The following TBC1D32 variants were observed in gnomAD, a reference collection of about 807,000 sequenced individuals.
TBC1D32 encodes TBC1 domain family member 32, also known as protein broad-minded.
Under a neutral mutation model 170.3 loss-of-function variants are expected in TBC1D32, and 151 were observed. The ratio of observed to expected loss-of-function variants is 0.89; its 90% CI spans 0.78 to 1.01. TBC1D32 has a LOEUF of 1.01. Among genes scored for constraint, TBC1D32 ranks in the 50% least tolerant of loss-of-function variants. TBC1D32 has a pLI of 0.00. For synonymous variants in TBC1D32, 498 were observed against 488.0 expected, an observed-to-expected ratio of 1.02 and a Z score of -0.27; for missense variants, 1,464 against 1,457.1, an observed-to-expected ratio of 1.00 and a Z score of -0.08.
intron 31 of TBC1D32, among the ~76,000 whole-genome samples, chr6:121,084,760 C>A (rs1172034663): frequency 1.3e-5 from 2 of 151,980 alleles, no homozygotes; most frequent in East Asian, 3.9e-4. Context: ...AAGATAAGGC[C>A]TTTTGCAGTA....
intron 19 of TBC1D32, among the ~76,000 whole-genome samples, chr6:121,240,085 G>A (rs1796760024): frequency 6.6e-6 from 1 of 152,092 alleles, no homozygotes; most frequent in African/African-American, 2.4e-5. Flanking sequence ...GTATCAACAG[G>A]ACAATACATG....
At chr6:121,314,518 T>C (rs1298099543) in intron 3 of TBC1D32, among the ~76,000 whole-genome samples, 2 of 152,138 alleles carry the variant, frequency 1.3e-5, no homozygotes, top group African/African-American at 2.4e-5. Flanking sequence ...GCTTTAAACA[T>C]GTTTGTGTCA....
At chr6:121,099,748 A>G (rs1320240548) in intron 30 of TBC1D32, among the ~76,000 whole-genome samples, 2 of 151,958 alleles carry the variant, frequency 1.3e-5, no homozygotes, top group East Asian at 3.9e-4. Flanking sequence ...AGATTAACTC[A>G]CATGGGGAGT....
At chr6:121,141,470 ACT>A (rs1782777211) in intron 24 of TBC1D32, among the ~76,000 whole-genome samples, 1 of 152,150 alleles carries the variant, frequency 6.6e-6, no homozygotes, top group African/African-American at 2.4e-5. Context: ...AAAACAAATA[ACT>A]CAATTAAAAA....
At chr6:121,268,113 T>C (rs1203699106) in intron 15 of TBC1D32, among the ~76,000 whole-genome samples, 1 of 151,656 alleles carries the variant, frequency 6.6e-6, no homozygotes, top group Non-Finnish European at 1.5e-5. Flanking sequence ...TACGTCACCA[T>C]CATAAAAGAA....
At chr6:121,309,575 T>C (rs186189708) in intron 4 of TBC1D32, among the ~76,000 whole-genome samples, 1 of 152,202 alleles carries the variant, frequency 6.6e-6, no homozygotes, top group Admixed American at 6.5e-5. Flanking sequence ...AAGATACGCA[T>C]ACCAATACAT....
intron 21 of TBC1D32, among the ~76,000 whole-genome samples, chr6:121,218,971 A>C (rs1794177237): frequency 1.3e-5 from 2 of 152,092 alleles, no homozygotes; most frequent in Non-Finnish European, 2.9e-5. Context: ...AGTCAACTAA[A>C]CCTCTTTCCT....
chr6:121,279,376 G>C (rs1376188961), intron 14 of TBC1D32, 131 bp from the exon 15 acceptor site: 16 of 1,083,528 alleles, frequency 1.5e-5, no homozygotes, highest in Non-Finnish European at 2.0e-5. Flanking sequence ...TTAATGATTT[G>C]TTTGGCTGTG....
chr6:121,308,393 T>C lies in TBC1D32; in HGVS notation c.565-292A>G, dbSNP rs369996299. Among the ~76,000 whole-genome samples the C allele has an allele frequency of 2.4e-4, 36 of 152,078 alleles. No individual in the cohort carries two copies. In the East Asian group the frequency reaches 4.2e-3, roughly 18 times the overall value. ...AATGGGAGGAAGAATGGTAGTTGAA[T>C]CAGAATCACCAATGCAACATTTTCC... On this transcript the variant is annotated intron_variant, in intron 4 of 31. Transcript: ENST00000398212.
intron 2 of TBC1D32, among the ~76,000 whole-genome samples, chr6:121,319,806 T>A (rs750406286): frequency 2.7e-4 from 41 of 152,156 alleles, no homozygotes; most frequent in Non-Finnish European, 3.2e-4. Flanking sequence ...TGTCATATCA[T>A]CAATATCAAG....
In TBC1D32 at chr6:121,090,907, T is replaced by C. The variant is rs1236303244; in HGVS notation, c.3600A>G (p.Leu1200=). 13 of 1,612,842 alleles carry C rather than the reference T, an allele frequency of 8.1e-6. No individual in the cohort carries two copies. The highest frequency in any genetic ancestry group is 1.1e-5 in the Non-Finnish European group (13 of 1,179,702). The part of the protein sequence containing the change: ...VYICIAVFKH[L]QQDILQHTQT... ...GAGTGTGCTGTAGAATGTCTTGCTG[T>C]AAATGTTTGAATACAGCTATACAGA... is the stretch of plus-strand genomic sequence containing the variant. Residue 1200 remains leucine (L), a synonymous_variant, in exon 31 of 32, where the codon TTA becomes TTG. Transcript: ENST00000398212.
In TBC1D32 at chr6:121,239,232, C is replaced by A. The variant is rs764964992; in HGVS notation, c.2246-44G>T. On this transcript the variant is annotated intron_variant, in intron 19 of 31. Coordinates refer to ENST00000398212, the MANE Select transcript of TBC1D32 (RefSeq NM_152730.6). ...TCAAGTCATTTATAGCATAATATTTCTTTGGATTATGAAGGAAAGATATGA... is the reference window on the plus strand; with the variant it reads ...TCAAGTCATTTATAGCATAATATTTATTTGGATTATGAAGGAAAGATATGA... 1.8e-5 allele frequency: 22 copies of A among 1,218,500 alleles called. No homozygotes were observed. The South Asian group carries it at 2.3e-4, about 13-fold the overall frequency. 75.5% of individuals were successfully genotyped at this position (1,218,500 alleles called of 1,614,324 possible).
Position 121,198,576 on chromosome 6 carries a change from C to G in TBC1D32, c.2570+6499G>C, listed in dbSNP as rs191903060. ...ACCATCCTGGCTAACACGGTGAAACCCTGTCTCTACTGAAAATACAAAAAA... is the reference window on the plus strand; with the variant it reads ...ACCATCCTGGCTAACACGGTGAAACGCTGTCTCTACTGAAAATACAAAAAA... On this transcript the variant is annotated intron_variant, in intron 22 of 31. Coordinates refer to ENST00000398212, the MANE Select transcript of TBC1D32 (RefSeq NM_152730.6). Among the ~76,000 whole-genome samples, 234 of 150,498 alleles carry G rather than the reference C, an allele frequency of 1.6e-3. 10 individuals are homozygous for G. Among genetic ancestry groups the G allele is most frequent in the African/African-American group, 5.6e-3 (227 of 40,202 alleles).
At chr6:121,261,591 A>C (rs1269610579) in intron 15 of TBC1D32, among the ~76,000 whole-genome samples, 1 of 152,210 alleles carries the variant, frequency 6.6e-6, no homozygotes, top group Non-Finnish European at 1.5e-5. Flanking sequence ...AACAGCATCA[A>C]CTAAAAAAAT....
chr6:121,140,532 T>G (rs1782658782), intron 24 of TBC1D32, among the ~76,000 whole-genome samples: 1 of 152,058 alleles, frequency 6.6e-6, no homozygotes, highest in Admixed American at 6.5e-5. Context: ...CTTACTCTTT[T>G]ATATAGTATT....
chr6:121,200,566 C>T (rs913264814), intron 22 of TBC1D32, among the ~76,000 whole-genome samples: 1 of 151,540 alleles, frequency 6.6e-6, no homozygotes, highest in African/African-American at 2.4e-5. Context: ...CAAATAAATG[C>T]TAACCAAATA....
intron 20 of TBC1D32, chr6:121,224,338 C>T (rs1794837981): frequency 6.6e-6 from 1 of 152,034 alleles, no homozygotes; most frequent in Non-Finnish European, 1.5e-5. Context: ...ATATCTTTTG[C>T]TTGCATTATA....
intron 22 of TBC1D32, chr6:121,192,311 T>C (rs1486219248): frequency 6.6e-6 from 1 of 151,944 alleles, no homozygotes; most frequent in Non-Finnish European, 1.5e-5. Context: ...ATAAAATAAA[T>C]AGATTTGACA....
intron 10 of TBC1D32, among the ~76,000 whole-genome samples, chr6:121,297,887 C>T (rs1385096440): frequency 6.6e-6 from 1 of 152,002 alleles, no homozygotes; most frequent in East Asian, 1.9e-4. Context: ...TTGCAGAAAA[C>T]GACATCAGAG....
Sources: allele counts gnomAD v4.1 joint callset (sites outside exome capture counted in the v4.1 genomes callset), GRCh38; gene constraint gnomAD v4.1.1; transcripts MANE v1.5; gene names NCBI Gene and HGNC (gene_info 2026-07-23, HGNC 2026-07-21).